Variants in GABRG3 observed in about 807,000 individuals in gnomAD.
GABRG3 encodes gamma-aminobutyric acid type A receptor subunit gamma3.
In GABRG3, 25 loss-of-function variants were observed where a neutral mutation model predicts 48.8. That is an observed-to-expected ratio of 0.51 (90% CI 0.37 to 0.72). GABRG3 has a LOEUF of 0.72. Ranked by LOEUF, GABRG3 falls within the 30% of genes least tolerant of loss-of-function variation. The probability of loss-of-function intolerance (pLI) is 0.00; values close to 1 mark genes in which losing one functional copy is unlikely to be tolerated. For missense variants in GABRG3, 394 were observed against 577.9 expected (o/e 0.68, Z 3.26); for synonymous variants, 227 against 217.6 (o/e 1.04, Z -0.38).
chr15:27,405,707 TG>T (rs1887609991), intron 5 of GABRG3, among the ~76,000 whole-genome samples: 1 of 152,140 alleles, frequency 6.6e-6, no homozygotes, highest in African/African-American at 2.4e-5. Flanking sequence ...TCTGTATGTG[TG>T]TGTGTTTGTG....
intron 3 of GABRG3, among the ~76,000 whole-genome samples, chr15:27,037,357 G>C (rs1896197190): frequency 1.3e-5 from 2 of 152,194 alleles, no homozygotes; most frequent in Admixed American, 1.3e-4. Context: ...GAAACACAAA[G>C]GGTGGCTCGA....
At position 27,472,438 on chromosome 15, in the gene GABRG3, G is replaced by A. The variant is rs143543271; in HGVS notation, c.575-8212G>A. Among the ~76,000 whole-genome samples the A allele has an allele frequency of 1.2e-3, 183 of 152,106 alleles. 1 individual carries two copies. In the East Asian group the frequency reaches 0.016, roughly 14 times the overall value. ...CTACAGGCACATACCACCATGCCCT[G>A]CTAATTTTTGTATTTTTAGTGGAGA... On this transcript the variant is annotated intron_variant, in intron 5 of 9. Coordinates refer to ENST00000615808, the MANE Select transcript of GABRG3 (RefSeq NM_033223.5).
chr15:27,420,055 G>A (rs1888065396), intron 5 of GABRG3, among the ~76,000 whole-genome samples: 2 of 152,176 alleles, frequency 1.3e-5, no homozygotes, highest in African/African-American at 4.8e-5. Flanking sequence ...ACCAAGGGTT[G>A]TTTTCTTTCC....
intron 3 of GABRG3, among the ~76,000 whole-genome samples, chr15:27,194,078 G>A (rs1488762027): frequency 2.0e-5 from 3 of 151,950 alleles, no homozygotes; most frequent in Non-Finnish European, 4.4e-5. Flanking sequence ...TGTTTTGTAT[G>A]ATTTTCTTCA....
intron 5 of GABRG3, among the ~76,000 whole-genome samples, chr15:27,471,541 G>T (rs1423371535): frequency 6.6e-6 from 1 of 152,184 alleles, no homozygotes; most frequent in African/African-American, 2.4e-5. Context: ...TTTCCCCAAA[G>T]TTATTTTAGC....
At chr15:27,414,792 C>T (rs1031645182) in intron 5 of GABRG3, among the ~76,000 whole-genome samples, 1 of 152,166 alleles carries the variant, frequency 6.6e-6, no homozygotes, top group Admixed American at 6.5e-5. Flanking sequence ...TTTGCTTTAT[C>T]GTCATTTTCC....
At chr15:27,451,751 T>C (rs1296464825) in intron 5 of GABRG3, among the ~76,000 whole-genome samples, 2 of 152,068 alleles carry the variant, frequency 1.3e-5, no homozygotes, top group Non-Finnish European at 2.9e-5. Context: ...AAAGAAAATC[T>C]ATGGATTGGG....
chr15:26,999,979 A>G (rs1287505205), intron 2 of GABRG3, among the ~76,000 whole-genome samples: 1 of 152,014 alleles, frequency 6.6e-6, no homozygotes, highest in African/African-American at 2.4e-5. Context: ...ATATCTTTTC[A>G]TGTCTCTACT....
In GABRG3 at chr15:27,457,168, C is replaced by T. The variant is rs1018057577; in HGVS notation, c.575-23482C>T. 2.0e-5 allele frequency among the ~76,000 whole-genome samples: 3 copies of T among 152,100 alleles called. No homozygotes were observed. The highest frequency in any genetic ancestry group is 1.9e-4 in the East Asian group (1 of 5,164). Reference sequence around the variant, plus strand: ...TAGCATTCATTAGAGACCACAGTGGCGGCATGCAGCTGGACTGGGAGTGAC... The same window carrying T: ...TAGCATTCATTAGAGACCACAGTGGTGGCATGCAGCTGGACTGGGAGTGAC... On this transcript the variant is annotated intron_variant, in intron 5 of 9. Coordinates refer to ENST00000615808, the MANE Select transcript of GABRG3 (RefSeq NM_033223.5). The surrounding 1 kb of genome is among the most constrained non-coding windows in gnomAD (Gnocchi z 4.4).
chr15:26,982,396 G>T lies in GABRG3; in HGVS notation c.202+5246G>T, dbSNP rs1241634201. Among the ~76,000 whole-genome samples, 105 of 152,298 alleles carry T rather than the reference G, an allele frequency of 6.9e-4. 1 individual carries two copies. Among genetic ancestry groups the T allele is most frequent in the Non-Finnish European group, 2.6e-4 (18 of 68,026 alleles). Reference sequence around the variant, plus strand: ...GGCACCACATGGATCCCCTGAGGTAGAAAATTGCAAATGGGGAGACAGTGG... The same window carrying T: ...GGCACCACATGGATCCCCTGAGGTATAAAATTGCAAATGGGGAGACAGTGG... On this transcript the variant is annotated intron_variant, in intron 2 of 9. Transcript: ENST00000615808.
At chr15:27,242,554 T>C (rs574709840) in intron 3 of GABRG3, among the ~76,000 whole-genome samples, 1 of 152,342 alleles carries the variant, frequency 6.6e-6, no homozygotes, top group African/African-American at 2.4e-5. Context: ...TCATTTCCTC[T>C]GAAAGAATTC....
At chr15:27,222,242 G>A (rs1407480311) in intron 3 of GABRG3, among the ~76,000 whole-genome samples, 1 of 152,224 alleles carries the variant, frequency 6.6e-6, no homozygotes. Flanking sequence ...CAGCTGCGCA[G>A]GCTTGAATGC....
intron 3 of GABRG3, among the ~76,000 whole-genome samples, chr15:27,143,165 A>G (rs1164205693): frequency 6.6e-6 from 1 of 152,156 alleles, no homozygotes; most frequent in Non-Finnish European, 1.5e-5. Context: ...CACAGCCTTG[A>G]TCTTCTGGGC....
chr15:27,167,997 G>A (rs1331834916), intron 3 of GABRG3, among the ~76,000 whole-genome samples: 1 of 152,156 alleles, frequency 6.6e-6, no homozygotes, highest in Non-Finnish European at 1.5e-5. Context: ...GAGGGACCCG[G>A]CCCAAATCTC....
At chr15:27,404,714 G>T (rs1389500913) in intron 5 of GABRG3, among the ~76,000 whole-genome samples, 1 of 152,224 alleles carries the variant, frequency 6.6e-6, no homozygotes, top group Non-Finnish European at 1.5e-5. Flanking sequence ...GTGACAGGCA[G>T]TCATCCAGGG....
intron 3 of GABRG3, among the ~76,000 whole-genome samples, chr15:27,231,631 G>C (rs1475877682): frequency 5.3e-5 from 8 of 152,206 alleles, no homozygotes; most frequent in Admixed American, 5.2e-4. Context: ...GAAAGGCAGG[G>C]GCTGGTCAAG....
chr15:27,471,856 T>C (rs1254437253), intron 5 of GABRG3, among the ~76,000 whole-genome samples: 3 of 152,208 alleles, frequency 2.0e-5, no homozygotes, highest in African/African-American at 7.2e-5. Flanking sequence ...ACAATAGGTT[T>C]AGTGTAGAGT....
intron 2 of GABRG3, among the ~76,000 whole-genome samples, chr15:26,996,282 T>C (rs539335054): frequency 3.0e-4 from 46 of 152,324 alleles, no homozygotes; most frequent in African/African-American, 1.0e-3. Context: ...TTAGTGTTTC[T>C]TGTAATGCAG....
intron 3 of GABRG3, among the ~76,000 whole-genome samples, chr15:27,040,798 A>T (rs1052554106): frequency 1.3e-5 from 2 of 152,194 alleles, no homozygotes; most frequent in African/African-American, 2.4e-5. Context: ...CATTTAAATG[A>T]GGAAAGCAAT....
Sources: gnomAD v4.1 joint callset for allele counts (sites outside exome capture counted in the v4.1 genomes callset) on GRCh38, gnomAD v4.1.1 for gene constraint, Gnocchi (gnomAD v3.1) non-coding constraint, MANE v1.5 for transcripts, NCBI Gene and HGNC (gene_info 2026-07-23, HGNC 2026-07-21) for gene names.